Variants in ARHGAP28 observed in about 807,000 individuals in gnomAD.
ARHGAP28 encodes the protein Rho GTPase activating protein 28, also known as rho GTPase-activating protein 28.
Under a neutral mutation model 90.7 loss-of-function variants are expected in ARHGAP28, and 56 were observed. The observed-to-expected ratio is 0.62, with a 90% CI of 0.50 to 0.77. The LOEUF (loss-of-function observed/expected upper bound fraction) is 0.77. Ranked by LOEUF, ARHGAP28 falls within the 30% of genes least tolerant of loss-of-function variation. The pLI is 0.00. For missense variants in ARHGAP28, 869 were observed against 900.9 expected (o/e 0.96, Z 0.45); for synonymous variants, 308 against 323.3 (o/e 0.95, Z 0.51).
intron 3 of ARHGAP28, among the ~76,000 whole-genome samples, chr18:6,839,944 CCTT>C (rs1285317059): frequency 2.6e-5 from 4 of 152,166 alleles, no homozygotes; most frequent in African/African-American, 9.7e-5. Context: ...GAGCAACTCT[CCTT>C]CTTTCCACTT....
At chr18:6,782,606 T>A (rs2056333900) in intron 1 of ARHGAP28, among the ~76,000 whole-genome samples, 1 of 114,382 alleles carries the variant, frequency 8.7e-6, no homozygotes, top group African/African-American at 3.7e-5. Flanking sequence ...TTTTTTTTTT[T>A]TTTTTTTTTT....
chr18:6,839,577 G>A lies in ARHGAP28; in HGVS notation c.543+2163G>A, dbSNP rs141645252. ...CTCCCAAAGTGCTGGGATTACAGGC[G>A]TGAGCCACTGCGCCCGGCCATAATT... On this transcript the variant is annotated intron_variant, in intron 3 of 17. Coordinates refer to ENST00000383472, the MANE Select transcript of ARHGAP28 (RefSeq NM_001366230.1). Among the ~76,000 whole-genome samples the A allele has an allele frequency of 1.2e-3, 178 of 152,266 alleles. 1 individual carries two copies. The highest frequency in any genetic ancestry group is 6.2e-4 in the Non-Finnish European group (42 of 68,006).
At chr18:6,780,677 TC>T (rs2056317180) in intron 1 of ARHGAP28, among the ~76,000 whole-genome samples, 1 of 151,974 alleles carries the variant, frequency 6.6e-6, no homozygotes, top group Non-Finnish European at 1.5e-5. Flanking sequence ...TCACCTGAGG[TC>T]AGGAGTTCGA....
At chr18:6,780,051 G>T (rs1270715795) in intron 1 of ARHGAP28, among the ~76,000 whole-genome samples, 1 of 152,212 alleles carries the variant, frequency 6.6e-6, no homozygotes, top group African/African-American at 2.4e-5. Flanking sequence ...TCCAGGCAGG[G>T]CTGTTGCTTG....
chr18:6,863,420 G>A (rs1294923482), intron 5 of ARHGAP28, among the ~76,000 whole-genome samples: 7 of 150,912 alleles, frequency 4.6e-5, no homozygotes, highest in Non-Finnish European at 8.9e-5. Flanking sequence ...AATAAATTGG[G>A]TTCATCCAAG....
chr18:6,846,233 G>A (rs2056865214), intron 3 of ARHGAP28, among the ~76,000 whole-genome samples: 1 of 152,216 alleles, frequency 6.6e-6, no homozygotes, highest in South Asian at 2.1e-4. Flanking sequence ...AAGGGAAGAA[G>A]GATTCTTTGC....
In ARHGAP28 at chr18:6,729,878, C is replaced by T. The variant is rs1007996281; in HGVS notation, c.57C>T (p.Arg19=). The part of the protein sequence containing the change: ...VVLTAYHSYA[R]AQPPNAESRC... ...TGACCGCCTACCACTCGTACGCGCG[C>T]GCCCAGCCCCCCAACGCCGAGTCGC... Residue 19 remains arginine (R), a synonymous_variant, in exon 1 of 18, where the codon CGC becomes CGT. Coordinates refer to ENST00000383472, the MANE Select transcript of ARHGAP28 (RefSeq NM_001366230.1). 4.9e-6 allele frequency: 7 copies of T among 1,433,800 alleles called. No homozygotes were observed. The African/African-American group carries it at 1.0e-4, about 21-fold the overall frequency. The allele number at this position is 1,433,800 out of a possible 1,614,324, so 88.8% of individuals were successfully genotyped here. A position where few individuals can be genotyped will look rare whatever the true frequency, so the allele number is the denominator to read the frequency against.
chr18:6,893,471 C>A (rs951545721), intron 14 of ARHGAP28, among the ~76,000 whole-genome samples: 1 of 152,180 alleles, frequency 6.6e-6, no homozygotes, highest in Admixed American at 6.5e-5. Flanking sequence ...TTTGCCAGTT[C>A]ATCCATTGCT....
rs1418651989 is a variant in ARHGAP28, at chr18:6,913,690, G to A, written c.*1536G>A. 2 of 151,368 alleles carry A rather than the reference G, an allele frequency of 1.3e-5. No homozygotes were observed. Among genetic ancestry groups the A allele is most frequent in the Non-Finnish European group, 2.9e-5 (2 of 67,916 alleles). 9.4% of individuals were successfully genotyped at this position (151,368 alleles called of 1,614,324 possible). On this transcript the variant is annotated 3_prime_UTR_variant, in exon 18 of 18. Coordinates refer to ENST00000383472, the MANE Select transcript of ARHGAP28 (RefSeq NM_001366230.1). ...ATTAAAATATATAGATAACTTTCTG[G>A]CATTTAGAATTTTGTTCCATTCATT...
chr18:6,852,628 C>G (rs9953610), intron 4 of ARHGAP28, among the ~76,000 whole-genome samples: 80,666 of 151,932 alleles, frequency 0.53, 22,548 homozygotes, highest in Non-Finnish European at 0.62. Context: ...AAACAATGTA[C>G]TAATAGCCTT....
intron 5 of ARHGAP28, among the ~76,000 whole-genome samples, chr18:6,867,503 A>G (rs764368104): frequency 1.3e-5 from 2 of 152,144 alleles, no homozygotes; most frequent in Non-Finnish European, 2.9e-5. Context: ...AGACCTAGGC[A>G]GGAGTTTGCT....
At chr18:6,773,049 G>A (rs942537999) in intron 1 of ARHGAP28, among the ~76,000 whole-genome samples, 4 of 152,206 alleles carry the variant, frequency 2.6e-5, no homozygotes, top group Admixed American at 2.0e-4. Context: ...TCCATCATAA[G>A]TCAAGAAGCA....
chr18:6,766,442 TA>T (rs2056200563), intron 1 of ARHGAP28, among the ~76,000 whole-genome samples: 1 of 152,162 alleles, frequency 6.6e-6, no homozygotes, highest in African/African-American at 2.4e-5. Flanking sequence ...GTGGAATACT[TA>T]GCCCACAGCC....
intron 1 of ARHGAP28, among the ~76,000 whole-genome samples, chr18:6,758,409 T>G (rs138307870): frequency 5.1e-4 from 77 of 152,102 alleles, no homozygotes; most frequent in Admixed American, 2.0e-4. Flanking sequence ...CTGAAACTTC[T>G]GCCTCCCGAG....
At chr18:6,751,630 A>G (rs979119053) in intron 1 of ARHGAP28, among the ~76,000 whole-genome samples, 8 of 152,230 alleles carry the variant, frequency 5.3e-5, no homozygotes, top group African/African-American at 1.9e-4. Flanking sequence ...TAATTGCATC[A>G]ACAAGAAGAA....
At chr18:6,786,933 T>C in intron 1 of ARHGAP28, among the ~76,000 whole-genome samples, 1 of 151,746 alleles carries the variant, frequency 6.6e-6, no homozygotes, top group East Asian at 1.9e-4. Context: ...ACAATTGAAG[T>C]TGGGGCCGCG....
chr18:6,767,615 T>C (rs1192838676), intron 1 of ARHGAP28, among the ~76,000 whole-genome samples: 1 of 152,226 alleles, frequency 6.6e-6, no homozygotes, highest in Non-Finnish European at 1.5e-5. Flanking sequence ...TTCTTTCTTT[T>C]AACACTTTAA....
intron 11 of ARHGAP28, among the ~76,000 whole-genome samples, chr18:6,884,226 T>G (rs887197363): frequency 2.0e-5 from 3 of 151,974 alleles, no homozygotes; most frequent in African/African-American, 7.2e-5. Context: ...TACAAAAAAT[T>G]GGCCAGGCGT....
chr18:6,744,079 G>A (rs2056001842), intron 1 of ARHGAP28, among the ~76,000 whole-genome samples: 1 of 152,194 alleles, frequency 6.6e-6, no homozygotes, highest in Non-Finnish European at 1.5e-5. Flanking sequence ...CAGAGAAGAT[G>A]TAACTAACGT....
Sources: allele counts gnomAD v4.1 joint callset (sites outside exome capture counted in the v4.1 genomes callset), GRCh38; gene constraint gnomAD v4.1.1; transcripts MANE v1.5; gene names NCBI Gene and HGNC (gene_info 2026-07-23, HGNC 2026-07-21).